Variants in DSCAM observed in about 807,000 individuals in gnomAD.
DSCAM encodes the protein cell adhesion molecule DSCAM.
In DSCAM, 47 loss-of-function variants were observed where a neutral mutation model predicts 217.7. That is an observed-to-expected ratio of 0.22 (90% CI 0.17 to 0.28). The LOEUF is 0.28. DSCAM is among the 10% of genes least tolerant of loss of function. DSCAM has a pLI of 1.00. For synonymous variants in DSCAM, 1,056 were observed against 1,015.3 expected, an observed-to-expected ratio of 1.04 and a Z score of -0.76; for missense variants, 2,080 against 2,618.3, an observed-to-expected ratio of 0.79 and a Z score of 4.49.
intron 1 of DSCAM, among the ~76,000 whole-genome samples, chr21:40,790,374 G>T (rs1414402840): frequency 1.3e-5 from 2 of 151,998 alleles, no homozygotes; most frequent in Non-Finnish European, 2.9e-5. Flanking sequence ...TAGAGACGGG[G>T]TTTCGCCGTG....
chr21:40,030,369 G>A (rs4816670), intron 32 of DSCAM, among the ~76,000 whole-genome samples: 12,803 of 152,162 alleles, frequency 0.084, 1,341 homozygotes, highest in East Asian at 0.4. Context: ...GTGAGTGCTG[G>A]GTGGAGAAGC....
chr21:40,786,918 C>T (rs1261992890), intron 1 of DSCAM, among the ~76,000 whole-genome samples: 1 of 152,186 alleles, frequency 6.6e-6, no homozygotes. Context: ...ATCTGAAACT[C>T]AGAGAGGCTA....
intron 27 of DSCAM, among the ~76,000 whole-genome samples, chr21:40,063,235 T>C (rs1354403436): frequency 1.3e-5 from 2 of 152,194 alleles, no homozygotes; most frequent in African/African-American, 4.8e-5. Flanking sequence ...TTTGAGGGTA[T>C]ATCATTTACG....
intron 3 of DSCAM, among the ~76,000 whole-genome samples, chr21:40,453,094 GAT>G (rs1168799677): frequency 8.3e-5 from 11 of 132,482 alleles, no homozygotes; most frequent in East Asian, 6.9e-4. Context: ...GTGTGTGTGA[GAT>G]ATATGTGTAT....
At chr21:40,014,762 C>T (rs2088127703) in intron 32 of DSCAM, among the ~76,000 whole-genome samples, 1 of 152,176 alleles carries the variant, frequency 6.6e-6, no homozygotes, top group Non-Finnish European at 1.5e-5. Context: ...CAATAAATTC[C>T]TTGTGTGTCT....
intron 3 of DSCAM, among the ~76,000 whole-genome samples, chr21:40,601,071 TGA>T (rs763878456): frequency 5.9e-5 from 9 of 152,196 alleles, no homozygotes; most frequent in Non-Finnish European, 1.2e-4. Context: ...ATTGGCTTGC[TGA>T]GATTTTGATT....
intron 3 of DSCAM, among the ~76,000 whole-genome samples, chr21:40,567,798 T>C (rs1329985655): frequency 6.6e-6 from 1 of 152,274 alleles, no homozygotes; most frequent in African/African-American, 2.4e-5. Context: ...ACTCTGCCTA[T>C]TCCTCGTTAA....
At chr21:40,014,382 TCAAAC>T (rs1232144109) in intron 32 of DSCAM, among the ~76,000 whole-genome samples, 6 of 141,510 alleles carry the variant, frequency 4.2e-5, no homozygotes, top group Non-Finnish European at 9.5e-5. Flanking sequence ...AGAGCAAGAC[TCAAAC>T]AAAACAAAAC....
intron 11 of DSCAM, among the ~76,000 whole-genome samples, chr21:40,229,259 A>G (rs1350128751): frequency 3.3e-5 from 5 of 152,256 alleles, no homozygotes; most frequent in African/African-American, 1.2e-4. Context: ...CAATTAGTAA[A>G]GTTATTTAAC....
At position 40,178,940 on chromosome 21, in the gene DSCAM, C is replaced by T. The variant is rs546478839; in HGVS notation, c.2934G>A (p.Thr978=). 3.9e-5 allele frequency: 63 copies of T among 1,613,702 alleles called. No individual in the cohort carries two copies. Among genetic ancestry groups the T allele is most frequent in the Middle Eastern group, 1.7e-4 (1 of 5,886 alleles). The part of the protein sequence containing the change: ...KSEPSNELTI[T]ADEAAPDGPP... ...GGTCCCACGTACCTGCCTCGTCCGC[C>T]GTGATGGTGAGCTCGTTGCTGGGCT... The change falls in exon 15 of 33, where the codon ACG becomes ACA. Residue 978 remains threonine (T), a synonymous_variant. Coordinates refer to ENST00000400454, the MANE Select transcript of DSCAM (RefSeq NM_001389.5).
intron 1 of DSCAM, among the ~76,000 whole-genome samples, chr21:40,749,457 C>G (rs1166806124): frequency 3.3e-5 from 5 of 152,050 alleles, no homozygotes; most frequent in Non-Finnish European, 7.4e-5. Context: ...AAATGGCCAA[C>G]AGCTATATGA....
chr21:40,029,426 G>GTTTTTTTTTTTTTTTT (rs924937730), intron 32 of DSCAM, among the ~76,000 whole-genome samples: 1 of 141,670 alleles, frequency 7.1e-6, no homozygotes, highest in African/African-American at 2.7e-5. Flanking sequence ...ATTTGAGGTT[G>GTTTTTTTTTTTTTTTT]TTTTTTTTTT....
chr21:40,347,452 T>C (rs2074570878), intron 6 of DSCAM, among the ~76,000 whole-genome samples: 1 of 152,202 alleles, frequency 6.6e-6, no homozygotes. Context: ...ACATTTATGT[T>C]ACTTTACATT....
At position 40,266,670 on chromosome 21, in the gene DSCAM, T is replaced by TATATATATAA. The variant is rs201198571; in HGVS notation, c.2356+9426_2356+9427insTTATATATAT. ...ATATATATATATATATATATATATA[T>TATATATATAA]AATCTTGAAATTTTATATATATAAA... is the stretch of plus-strand genomic sequence containing the variant. On this transcript the variant is annotated intron_variant, in intron 11 of 32. Coordinates refer to ENST00000400454, the MANE Select transcript of DSCAM (RefSeq NM_001389.5). 4.2e-3 allele frequency among the ~76,000 whole-genome samples: 503 copies of TATATATATAA among 120,524 alleles called. 15 individuals carry two copies. Among genetic ancestry groups the TATATATATAA allele is most frequent in the African/African-American group, 0.015 (372 of 24,572 alleles). The allele number at this position is 120,524 out of a possible 152,430, so 79.1% of individuals were successfully genotyped here.
chr21:40,503,917 G>C lies in DSCAM; in HGVS notation c.509-134672C>G, dbSNP rs1057128049. On this transcript the variant is annotated intron_variant, in intron 3 of 32. Coordinates refer to ENST00000400454, the MANE Select transcript of DSCAM (RefSeq NM_001389.5). Reference sequence around the variant, plus strand: ...AGCCACTGTGAATTGATGGTCATGGGTTATCATTGTAGTTGGTCATTTCTG... The same window carrying C: ...AGCCACTGTGAATTGATGGTCATGGCTTATCATTGTAGTTGGTCATTTCTG... Among the ~76,000 whole-genome samples, 7 of 152,166 alleles carry C rather than the reference G, an allele frequency of 4.6e-5. No individual in the cohort carries two copies. In the South Asian group the frequency reaches 1.4e-3, roughly 32 times the overall value.
rs1163860058 is a variant in DSCAM at position 40,572,906 on chromosome 21, A to G, written c.508+119904T>C. ...TTTTAATACTGTCAACAAAATTTAC[A>G]TAATTATCTCTAATAGAATACTCCA... On this transcript the variant is annotated intron_variant, in intron 3 of 32. Coordinates refer to ENST00000400454, the MANE Select transcript of DSCAM (RefSeq NM_001389.5). Among the ~76,000 whole-genome samples the G allele has an allele frequency of 2.6e-5, 4 of 152,328 alleles. No individual in the cohort carries two copies. In the East Asian group the frequency reaches 7.7e-4, roughly 29 times the overall value.
At chr21:40,083,566 C>T (rs574456473) in intron 24 of DSCAM, among the ~76,000 whole-genome samples, 2 of 152,076 alleles carry the variant, frequency 1.3e-5, no homozygotes, top group Non-Finnish European at 2.9e-5. Context: ...AGGACAGTAC[C>T]CATGGTTACA....
At chr21:40,791,080 A>C (rs1393944824) in intron 1 of DSCAM, among the ~76,000 whole-genome samples, 1 of 151,828 alleles carries the variant, frequency 6.6e-6, no homozygotes, top group Non-Finnish European at 1.5e-5. Flanking sequence ...GCTACTCAGG[A>C]GGCTAAGGCA....
chr21:40,070,761 G>A (rs1307223135), intron 27 of DSCAM, among the ~76,000 whole-genome samples: 1 of 152,166 alleles, frequency 6.6e-6, no homozygotes, highest in Non-Finnish European at 1.5e-5. Context: ...GCAGATAAAT[G>A]TCCTGTTAGT....
Sources: allele counts gnomAD v4.1 joint callset (sites outside exome capture counted in the v4.1 genomes callset), GRCh38; gene constraint gnomAD v4.1.1; transcripts MANE v1.5; gene names NCBI Gene and HGNC (gene_info 2026-07-23, HGNC 2026-07-21).